TMEM182: variants seen among roughly 807,000 people sequenced by gnomAD.
The protein encoded by TMEM182 is transmembrane protein 182.
In TMEM182, 20 loss-of-function variants were observed where a neutral mutation model predicts 26.8. That is an observed-to-expected ratio of 0.75 (90% CI 0.53 to 1.09). The LOEUF is 1.09. Ranked by LOEUF, TMEM182 falls within the 50% of genes least tolerant of loss-of-function variation. TMEM182 has a pLI of 0.00. For synonymous variants in TMEM182, 109 were observed against 102.2 expected, an observed-to-expected ratio of 1.07 and a Z score of -0.40; for missense variants, 277 against 275.5, an observed-to-expected ratio of 1.01 and a Z score of -0.04.
At chr2:102,795,995 C>T (rs925658435) in intron 3 of TMEM182, among the ~76,000 whole-genome samples, 4 of 152,068 alleles carry the variant, frequency 2.6e-5, no homozygotes, top group African/African-American at 4.8e-5. Flanking sequence ...TTTTAAGTGC[C>T]CACGCCTCCA....
intron 3 of TMEM182, among the ~76,000 whole-genome samples, chr2:102,772,141 A>T (rs1166311882): frequency 6.6e-6 from 1 of 152,162 alleles, no homozygotes; most frequent in Non-Finnish European, 1.5e-5. Context: ...ACCCCGAAGG[A>T]GAAAGGAGCT....
chr2:102,843,435 T>G (rs534570989), exon 4 of TMEM182: 1 of 152,232 alleles, frequency 6.6e-6, no homozygotes, highest in Non-Finnish European at 1.5e-5. Flanking sequence ...TCTCTGTTAC[T>G]CAAGCCTCTC....
At chr2:102,767,275 A>G (rs187632356) in intron 3 of TMEM182, among the ~76,000 whole-genome samples, 48 of 152,308 alleles carry the variant, frequency 3.2e-4, no homozygotes, top group Non-Finnish European at 4.6e-4. Flanking sequence ...CTGAAATTCA[A>G]TTATCCTCAA....
At chr2:102,834,227 G>T (rs577167044) in intron 3 of TMEM182, among the ~76,000 whole-genome samples, 1 of 152,076 alleles carries the variant, frequency 6.6e-6, no homozygotes, top group Admixed American at 6.5e-5. Flanking sequence ...CTACTTTGCC[G>T]TGGGCCTAAC....
intron 4 of TMEM182, among the ~76,000 whole-genome samples, chr2:102,801,135 T>C (rs1193583618): frequency 1.3e-5 from 2 of 152,060 alleles, no homozygotes; most frequent in Non-Finnish European, 2.9e-5. Flanking sequence ...CCCCGAGAAG[T>C]TCTGAGGTGT....
intron 1 of TMEM182, among the ~76,000 whole-genome samples, chr2:102,752,582 C>G (rs1191052178): frequency 6.6e-6 from 1 of 152,196 alleles, no homozygotes; most frequent in Non-Finnish European, 1.5e-5. Context: ...GCTGTTTCCT[C>G]TTGGAGACAT....
At chr2:102,774,167 A>G (rs1458778924) in intron 3 of TMEM182, among the ~76,000 whole-genome samples, 1 of 151,648 alleles carries the variant, frequency 6.6e-6, no homozygotes, top group African/African-American at 2.4e-5. Context: ...TCCAAACATC[A>G]TATACTTTCT....
downstream of TMEM182, among the ~76,000 whole-genome samples, chr2:102,818,745 C>CCTATCTATCTATCTATCTATCTAT (rs71378191): frequency 2.9e-5 from 4 of 136,410 alleles, no homozygotes; most frequent in African/African-American, 2.6e-5. Context: ...TCTATTTAAT[C>CCTATCTATCTATCTATCTATCTAT]CTATCTATCT....
At chr2:102,767,179 T>C (rs1420619487) in intron 3 of TMEM182, among the ~76,000 whole-genome samples, 1 of 152,242 alleles carries the variant, frequency 6.6e-6, no homozygotes, top group Non-Finnish European at 1.5e-5. Flanking sequence ...TGGCTCTTTC[T>C]ACCTTTATAT....
downstream of TMEM182, among the ~76,000 whole-genome samples, chr2:102,818,887 G>C (rs1465321682): frequency 1.3e-5 from 2 of 152,116 alleles, no homozygotes; most frequent in East Asian, 3.9e-4. Context: ...TTCTTCAAAT[G>C]ATGATGGTTT....
chr2:102,813,653 C>T (rs1682634255), intron 4 of TMEM182, among the ~76,000 whole-genome samples: 1 of 152,164 alleles, frequency 6.6e-6, no homozygotes, highest in Non-Finnish European at 1.5e-5. Context: ...AGCGTAGTGG[C>T]ATTGTTTCCT....
At chr2:102,839,447 C>CTATATATATATA (rs10691405) in intron 3 of TMEM182, among the ~76,000 whole-genome samples, 3,321 of 134,126 alleles carry the variant, frequency 0.025, 51 homozygotes, top group Middle Eastern at 0.052. Flanking sequence ...TGATGTTTTG[C>CTATATATATATA]TATATATATA....
intron 1 of TMEM182, among the ~76,000 whole-genome samples, chr2:102,742,338 C>A (rs1679567801): frequency 6.6e-6 from 1 of 151,674 alleles, no homozygotes; most frequent in African/African-American, 2.4e-5. Context: ...AACTGAAAAG[C>A]AAAGAAAAGA....
At chr2:102,756,407 A>G (rs868118284) in intron 1 of TMEM182, among the ~76,000 whole-genome samples, 2 of 152,158 alleles carry the variant, frequency 1.3e-5, no homozygotes, top group East Asian at 1.9e-4. Flanking sequence ...CCCATTTTCC[A>G]TATTAAAAAA....
At chr2:102,779,945 G>T (rs1261929236) in intron 3 of TMEM182, among the ~76,000 whole-genome samples, 1 of 152,114 alleles carries the variant, frequency 6.6e-6, no homozygotes, top group East Asian at 1.9e-4. Context: ...GGAGGTTGCA[G>T]TGAGCCGAGA....
At chr2:102,781,448 G>A (rs1681162700) in intron 3 of TMEM182, among the ~76,000 whole-genome samples, 1 of 152,118 alleles carries the variant, frequency 6.6e-6, no homozygotes, top group African/African-American at 2.4e-5. Context: ...GAAGGTGGAG[G>A]TCTGGGCAGG....
At chr2:102,774,786 A>G (rs1558764577) in intron 3 of TMEM182, among the ~76,000 whole-genome samples, 1 of 152,144 alleles carries the variant, frequency 6.6e-6, no homozygotes, top group Non-Finnish European at 1.5e-5. Flanking sequence ...ACTAATTTTT[A>G]GATTCTGGAT....
At chr2:102,773,972 T>C (rs1348383369) in intron 3 of TMEM182, among the ~76,000 whole-genome samples, 1 of 152,176 alleles carries the variant, frequency 6.6e-6, no homozygotes, top group African/African-American at 2.4e-5. Flanking sequence ...AGTTCTGGAA[T>C]TTTTTTAATT....
chr2:102,814,633 T>C (rs1309772813), intron 4 of TMEM182, 115 bp from the exon 5 acceptor site: 1 of 883,856 alleles, frequency 1.1e-6, no homozygotes, highest in Non-Finnish European at 1.7e-6. Context: ...GAGTATTTGA[T>C]TTTGCTAGAA....
Sources: gnomAD v4.1 joint callset for allele counts (sites outside exome capture counted in the v4.1 genomes callset) on GRCh38, gnomAD v4.1.1 for gene constraint, MANE v1.5 for transcripts, NCBI Gene and HGNC (gene_info 2026-07-23, HGNC 2026-07-21) for gene names.